The following AKT3 variants were observed in gnomAD, a reference collection of about 807,000 sequenced individuals.
The protein encoded by AKT3 is RAC-gamma serine/threonine-protein kinase.
Under a neutral mutation model 65.3 loss-of-function variants are expected in AKT3, and 15 were observed. That is an observed-to-expected ratio of 0.23 (90% CI 0.15 to 0.35). The LOEUF (loss-of-function observed/expected upper bound fraction) is 0.35. AKT3 is among the 10% of genes least tolerant of loss of function. The probability of loss-of-function intolerance (pLI) is 1.00; values close to 1 mark genes in which losing one functional copy is unlikely to be tolerated. For synonymous variants in AKT3, 206 were observed against 183.8 expected, an observed-to-expected ratio of 1.12 and a Z score of -0.98; for missense variants, 243 against 576.5, an observed-to-expected ratio of 0.42 and a Z score of 5.92.
chr1:243,812,451 T>C (rs6691020), intron 2 of AKT3, among the ~76,000 whole-genome samples: 77,875 of 151,978 alleles, frequency 0.51, 23,803 homozygotes, highest in Non-Finnish European at 0.68. Context: ...ATCAGAGAAA[T>C]GCAAATCAAA....
intron 4 of AKT3, among the ~76,000 whole-genome samples, chr1:243,657,386 C>T (rs941832892): frequency 6.6e-6 from 1 of 151,942 alleles, no homozygotes; most frequent in African/African-American, 2.4e-5. Context: ...AAGGCAAATC[C>T]CATTTACAAA....
At chr1:243,774,497 T>C (rs1690422825) in intron 2 of AKT3, among the ~76,000 whole-genome samples, 5 of 152,250 alleles carry the variant, frequency 3.3e-5, no homozygotes, top group Admixed American at 3.3e-4. Context: ...TTGTATTTTT[T>C]CTCTCAAGTT....
chr1:243,703,760 C>CAAAAAAAAAAAAAAAAAAAAAAAAAA (rs370671685), intron 2 of AKT3, among the ~76,000 whole-genome samples: 1 of 78,406 alleles, frequency 1.3e-5, no homozygotes. Context: ...GACTCCATCT[C>CAAAAAAAAAAAAAAAAAAAAAAAAAA]AAAAAAAAAA....
chr1:243,677,621 T>C (rs1683609970), intron 3 of AKT3, among the ~76,000 whole-genome samples: 2 of 152,168 alleles, frequency 1.3e-5, no homozygotes, highest in African/African-American at 4.8e-5. Flanking sequence ...CTCTAATACT[T>C]GAGATATTTT....
intron 1 of AKT3, among the ~76,000 whole-genome samples, chr1:243,848,281 T>C (rs1366957880): frequency 1.3e-5 from 2 of 152,218 alleles, no homozygotes; most frequent in Non-Finnish European, 2.9e-5. Context: ...GTCAAGATAA[T>C]GTACTGGCAA....
At chr1:243,702,367 G>C (rs1230302839) in intron 2 of AKT3, among the ~76,000 whole-genome samples, 1 of 152,054 alleles carries the variant, frequency 6.6e-6, no homozygotes, top group Non-Finnish European at 1.5e-5. Flanking sequence ...ACACAGCTTG[G>C]GTTTGAATCC....
At chr1:243,498,876 T>C (rs761306351), downstream of AKT3, among the ~76,000 whole-genome samples, 1 of 152,224 alleles carries the variant, frequency 6.6e-6, no homozygotes, top group Non-Finnish European at 1.5e-5. Context: ...GGCCCTGCAG[T>C]GCGTCCCAAT....
chr1:243,510,355 C>T (rs1318191360), intron 13 of AKT3, among the ~76,000 whole-genome samples: 1 of 152,178 alleles, frequency 6.6e-6, no homozygotes, highest in East Asian at 1.9e-4. Context: ...CAAACTAGAT[C>T]CTTCCTCTCC....
chr1:243,654,652 T>C (rs1258471987), intron 4 of AKT3, among the ~76,000 whole-genome samples: 2 of 152,218 alleles, frequency 1.3e-5, no homozygotes, highest in African/African-American at 2.4e-5. Flanking sequence ...ATTTTCATTT[T>C]ACTTTTATTC....
chr1:243,801,106 G>A (rs1270718238), intron 2 of AKT3, among the ~76,000 whole-genome samples: 2 of 152,132 alleles, frequency 1.3e-5, no homozygotes, highest in African/African-American at 4.8e-5. Context: ...TTATTTTGCA[G>A]CTACAAAGTT....
intron 3 of AKT3, among the ~76,000 whole-genome samples, chr1:243,679,476 T>C (rs1395066693): frequency 1.3e-5 from 2 of 152,222 alleles, no homozygotes; most frequent in Non-Finnish European, 2.9e-5. Flanking sequence ...ATTGACATTA[T>C]ATGTAAAAGC....
intron 3 of AKT3, among the ~76,000 whole-genome samples, chr1:243,693,860 C>T (rs534736261): frequency 2.0e-5 from 3 of 152,218 alleles, no homozygotes; most frequent in African/African-American, 7.2e-5. Context: ...AAGGAGCCAA[C>T]CTACAACTTA....
intron 13 of AKT3, 41 bp from the exon 14 acceptor site, chr1:243,505,375 T>G (rs1178195337): frequency 1.3e-6 from 2 of 1,562,178 alleles, no homozygotes; most frequent in East Asian, 2.2e-5. Flanking sequence ...ACACATTCAT[T>G]TTTTGCAACA....
intron 2 of AKT3, among the ~76,000 whole-genome samples, chr1:243,773,751 C>T (rs1313287088): frequency 6.6e-6 from 1 of 152,188 alleles, no homozygotes; most frequent in Non-Finnish European, 1.5e-5. Flanking sequence ...AAGCATTTAA[C>T]AATGTTAATT....
intron 11 of AKT3, among the ~76,000 whole-genome samples, chr1:243,545,866 T>A (rs1419141245): frequency 6.6e-6 from 1 of 152,178 alleles, no homozygotes; most frequent in Non-Finnish European, 1.5e-5. Flanking sequence ...TTATGAGATG[T>A]GTGACAACAG....
intron 2 of AKT3, among the ~76,000 whole-genome samples, chr1:243,704,582 A>G (rs1398385022): frequency 3.3e-5 from 5 of 152,132 alleles, no homozygotes; most frequent in African/African-American, 1.2e-4. Flanking sequence ...GTAGTCGATG[A>G]TATTTGTTGG....
intron 11 of AKT3, among the ~76,000 whole-genome samples, chr1:243,548,755 C>T (rs868435123): frequency 1.8e-4 from 28 of 152,150 alleles, no homozygotes; most frequent in African/African-American, 6.5e-4. Flanking sequence ...TCATGCTTTT[C>T]CTATCAACTC....
intron 2 of AKT3, among the ~76,000 whole-genome samples, chr1:243,841,835 C>T (rs1490276271): frequency 6.6e-6 from 1 of 150,616 alleles, no homozygotes; most frequent in Admixed American, 6.6e-5. Flanking sequence ...ACTACTCAAC[C>T]ATAAAAAAAA....
chr1:243,551,572 T>C (rs1050723869), intron 11 of AKT3, among the ~76,000 whole-genome samples: 2 of 151,310 alleles, frequency 1.3e-5, no homozygotes, highest in Non-Finnish European at 2.9e-5. Context: ...CTCATATATA[T>C]ATAATATATA....
Sources: allele counts gnomAD v4.1 joint callset (sites outside exome capture counted in the v4.1 genomes callset), GRCh38; gene constraint gnomAD v4.1.1; transcripts MANE v1.5; gene names NCBI Gene and HGNC (gene_info 2026-07-23, HGNC 2026-07-21).